The following PRKCE variants were observed in gnomAD, a reference collection of about 807,000 sequenced individuals.
PRKCE encodes protein kinase C epsilon type.
A neutral mutation model predicts 85.4 loss-of-function variants in PRKCE; 16 were observed. The ratio of observed to expected loss-of-function variants is 0.19; its 90% confidence interval spans 0.13 to 0.28. The LOEUF (loss-of-function observed/expected upper bound fraction) is 0.28. PRKCE is among the 10% of genes least tolerant of loss of function. The probability of loss-of-function intolerance (pLI) is 1.00; values close to 1 mark genes in which losing one functional copy is unlikely to be tolerated. For synonymous variants in PRKCE, 388 were observed against 371.5 expected (o/e 1.04, Z -0.51); for missense variants, 573 against 975.2 (o/e 0.59, Z 5.49).
At chr2:46,029,715 T>C (rs1707386769) in intron 10 of PRKCE, among the ~76,000 whole-genome samples, 1 of 151,088 alleles carries the variant, frequency 6.6e-6, no homozygotes. Flanking sequence ...AAGCTTTTCA[T>C]ACAATGCTGG....
chr2:45,754,634 C>T (rs1447606584), intron 1 of PRKCE, among the ~76,000 whole-genome samples: 3 of 152,190 alleles, frequency 2.0e-5, no homozygotes, highest in Non-Finnish European at 4.4e-5. Context: ...CTGTGCCTGC[C>T]CCCTTGAGGG....
At position 46,184,434 on chromosome 2, in the gene PRKCE, A is replaced by AACACACAC. The variant is rs3834107; in HGVS notation, c.2068-280_2068-273dup. 2.5e-3 allele frequency among the ~76,000 whole-genome samples: 368 copies of AACACACAC among 149,188 alleles called. 2 individuals are homozygous for AACACACAC. The highest frequency in any genetic ancestry group is 0.014 in the Middle Eastern group (4 of 292). On this transcript the variant is annotated intron_variant, in intron 14 of 14. Coordinates refer to ENST00000306156, the MANE Select transcript of PRKCE (RefSeq NM_005400.3). The surrounding 1 kb of genome is among the most constrained non-coding windows in gnomAD (Gnocchi z 5.0). ...GGGACCTTTGCATCATACACACACA[A>AACACACAC]ACACACACACACACACACACACACA...
chr2:45,748,373 C>T (rs533429740), intron 1 of PRKCE, among the ~76,000 whole-genome samples: 2 of 152,358 alleles, frequency 1.3e-5, no homozygotes, highest in African/African-American at 4.8e-5. Context: ...CCTGACTCCC[C>T]ACGTTGCCTC....
intron 1 of PRKCE, among the ~76,000 whole-genome samples, chr2:45,820,889 C>G (rs1689474676): frequency 1.3e-5 from 2 of 152,092 alleles, no homozygotes; most frequent in Admixed American, 6.5e-5. Context: ...TCTCCCCACC[C>G]CCTTCCCACC....
chr2:46,167,791 A>ACGTTGACGTT (rs1291740142), intron 14 of PRKCE: 1 of 124,990 alleles, frequency 8.0e-6, no homozygotes, highest in Admixed American at 1.1e-4. Context: ...CATGCTTACC[A>ACGTTGACGTT]CGTTGACGTT....
chr2:45,884,984 TATA>T (rs1288487127), intron 2 of PRKCE, among the ~76,000 whole-genome samples: 8 of 77,082 alleles, frequency 1.0e-4, no homozygotes, highest in South Asian at 8.3e-4. Context: ...TATATATATA[TATA>T]TATATATATA....
intron 2 of PRKCE, among the ~76,000 whole-genome samples, chr2:45,915,548 T>C (rs550946127): frequency 2.6e-4 from 39 of 152,306 alleles, no homozygotes; most frequent in Non-Finnish European, 2.5e-4. Flanking sequence ...CAGGAGCAAG[T>C]TGTTTCTACC....
intron 10 of PRKCE, chr2:46,078,694 C>T (rs191104124): frequency 1.3e-5 from 2 of 152,256 alleles, no homozygotes; most frequent in East Asian, 1.9e-4. Context: ...TCCTCATTCC[C>T]ACATGTGATT....
At chr2:46,073,187 A>G (rs1372199093) in intron 10 of PRKCE, among the ~76,000 whole-genome samples, 1 of 152,196 alleles carries the variant, frequency 6.6e-6, no homozygotes, top group African/African-American at 2.4e-5. Flanking sequence ...CGAGGCCAGC[A>G]TCCCCCAGGT....
chr2:46,086,842 TG>T (rs1340188338), intron 11 of PRKCE, among the ~76,000 whole-genome samples: 6 of 152,040 alleles, frequency 3.9e-5, no homozygotes, highest in Non-Finnish European at 7.4e-5. Flanking sequence ...TGATCTTGGG[TG>T]GGGAACAAGG....
intron 13 of PRKCE, among the ~76,000 whole-genome samples, chr2:46,156,327 C>T (rs1007445727): frequency 2.0e-5 from 3 of 152,186 alleles, no homozygotes; most frequent in Non-Finnish European, 2.9e-5. Context: ...TTGCCAAGTT[C>T]CTTGCCCATC....
chr2:46,033,722 A>G (rs559236695), intron 10 of PRKCE, among the ~76,000 whole-genome samples: 1 of 152,360 alleles, frequency 6.6e-6, no homozygotes, highest in African/African-American at 2.4e-5. Context: ...AAGTGTACGT[A>G]TGAAATGAGG....
Position 46,054,922 on chromosome 2 carries a change from C to T in PRKCE, c.1438-31286C>T, listed in dbSNP as rs75295367. Reference sequence around the variant, plus strand: ...TGACTTTAGAGGGACAGCTTGACAGCGTAGCTTCAGAAAGGAGTCTGGCCA... The same window carrying T: ...TGACTTTAGAGGGACAGCTTGACAGTGTAGCTTCAGAAAGGAGTCTGGCCA... On this transcript the variant is annotated intron_variant, in intron 10 of 14. Coordinates refer to ENST00000306156, the MANE Select transcript of PRKCE (RefSeq NM_005400.3). 8.9e-3 allele frequency among the ~76,000 whole-genome samples: 1,359 copies of T among 152,278 alleles called. 77 individuals are homozygous for T. In the East Asian group the frequency reaches 0.16, roughly 18 times the overall value.
chr2:45,688,436 T>C (rs1172935016), intron 1 of PRKCE, among the ~76,000 whole-genome samples: 1 of 152,136 alleles, frequency 6.6e-6, no homozygotes, highest in Non-Finnish European at 1.5e-5. Flanking sequence ...CTGTGTTAGG[T>C]TTTTCTTCTT....
chr2:46,005,786 GT>G (rs1705138888), intron 8 of PRKCE, among the ~76,000 whole-genome samples: 1 of 152,182 alleles, frequency 6.6e-6, no homozygotes, highest in African/African-American at 2.4e-5. Context: ...AACTTTCTGT[GT>G]CTTTATACTC....
intron 11 of PRKCE, among the ~76,000 whole-genome samples, chr2:46,088,996 A>T (rs1030782134): frequency 3.3e-5 from 5 of 152,066 alleles, no homozygotes; most frequent in Admixed American, 6.5e-5. Flanking sequence ...CCAAAACTTG[A>T]CCTTCCCTTA....
At chr2:45,765,145 T>A (rs1257279501) in intron 1 of PRKCE, among the ~76,000 whole-genome samples, 1 of 152,218 alleles carries the variant, frequency 6.6e-6, no homozygotes, top group Non-Finnish European at 1.5e-5. Flanking sequence ...CTTAATACGT[T>A]CTTAAGCCAT....
chr2:46,062,528 A>G (rs960834047), intron 10 of PRKCE, among the ~76,000 whole-genome samples: 1 of 152,164 alleles, frequency 6.6e-6, no homozygotes, highest in Non-Finnish European at 1.5e-5. Context: ...GGTAAATAGG[A>G]GAGTTCGACA....
intron 14 of PRKCE, among the ~76,000 whole-genome samples, chr2:46,180,624 C>A (rs1419558741): frequency 7.2e-5 from 11 of 152,202 alleles, no homozygotes; most frequent in Non-Finnish European, 1.3e-4. Flanking sequence ...GTGCATGATG[C>A]ATGCCCATGG....
Sources: gnomAD v4.1 joint callset for allele counts (sites outside exome capture counted in the v4.1 genomes callset) on GRCh38, gnomAD v4.1.1 for gene constraint, Gnocchi (gnomAD v3.1) non-coding constraint, MANE v1.5 for transcripts, NCBI Gene and HGNC (gene_info 2026-07-23, HGNC 2026-07-21) for gene names.